Variants in DPP10 observed in about 807,000 individuals in gnomAD.
The protein encoded by DPP10 is dipeptidyl peptidase like 10.
Under a neutral mutation model 120.9 loss-of-function variants are expected in DPP10, and 33 were observed. That is an observed-to-expected ratio of 0.27 (90% CI 0.21 to 0.37). The LOEUF is 0.37. DPP10 is among the 10% of genes least tolerant of loss of function. The pLI is 1.00. For synonymous variants in DPP10, 337 were observed against 326.1 expected (o/e 1.03, Z -0.36); for missense variants, 816 against 942.8 (o/e 0.87, Z 1.76).
intron 12 of DPP10, among the ~76,000 whole-genome samples, chr2:115,767,584 G>A (rs566592825): frequency 9.1e-4 from 137 of 150,954 alleles, no homozygotes; most frequent in Non-Finnish European, 3.1e-4. Context: ...GTGTGTGTGT[G>A]TATATATATA....
intron 17 of DPP10, among the ~76,000 whole-genome samples, chr2:115,790,714 G>A (rs1401560185): frequency 6.6e-6 from 1 of 152,054 alleles, no homozygotes. Flanking sequence ...TACAATCCAG[G>A]TGTCCTCATC....
chr2:114,548,833 C>T (rs932762473), intron 1 of DPP10, among the ~76,000 whole-genome samples: 2 of 152,030 alleles, frequency 1.3e-5, no homozygotes, highest in Non-Finnish European at 1.5e-5. Flanking sequence ...AAATTGAACT[C>T]GTTTCTCCTG....
Position 114,459,182 on chromosome 2 carries a change from C to T in DPP10, c.60+16344C>T, listed in dbSNP as rs750441026. Among the ~76,000 whole-genome samples the T allele has an allele frequency of 2.7e-4, 41 of 152,260 alleles. 1 individual carries two copies. Among genetic ancestry groups the T allele is most frequent in the Non-Finnish European group, 5.1e-4 (35 of 68,018 alleles). On this transcript the variant is annotated intron_variant, in intron 1 of 25. Transcript: ENST00000410059. Reference sequence around the variant, plus strand: ...AAGATATTGGGTTTGTCATGGTTGCCGTTCCCTATATCATGCTGTTCTTAC... The same window carrying T: ...AAGATATTGGGTTTGTCATGGTTGCTGTTCCCTATATCATGCTGTTCTTAC...
intron 11 of DPP10, among the ~76,000 whole-genome samples, chr2:115,754,279 A>AAGG (rs1393912117): frequency 2.0e-5 from 3 of 152,108 alleles, no homozygotes; most frequent in Non-Finnish European, 4.4e-5. Context: ...CTTTATAGAA[A>AAGG]AGGACTCCAG....
intron 1 of DPP10, among the ~76,000 whole-genome samples, chr2:115,017,918 G>T (rs1396602312): frequency 6.6e-6 from 1 of 151,676 alleles, no homozygotes; most frequent in South Asian, 2.1e-4. Context: ...CGAGTTAATA[G>T]GTGCAGCACA....
intron 1 of DPP10, among the ~76,000 whole-genome samples, chr2:114,583,101 T>A (rs540356124): frequency 3.0e-4 from 45 of 152,362 alleles, no homozygotes; most frequent in African/African-American, 1.0e-3. Context: ...TGTTAGGCTC[T>A]CTTCTTTCTC....
intron 19 of DPP10, among the ~76,000 whole-genome samples, chr2:115,791,915 G>C (rs1196574527): frequency 6.6e-6 from 1 of 152,070 alleles, no homozygotes; most frequent in Admixed American, 6.5e-5. Context: ...TAACTAACTT[G>C]ATATTGATTT....
chr2:114,663,185 G>A (rs890169750), intron 1 of DPP10, among the ~76,000 whole-genome samples: 1 of 151,298 alleles, frequency 6.6e-6, no homozygotes, highest in African/African-American at 2.4e-5. Context: ...GCTATATCGT[G>A]TTTCCTGCGT....
At chr2:115,206,871 T>C (rs2056169676) in intron 1 of DPP10, among the ~76,000 whole-genome samples, 1 of 152,258 alleles carries the variant, frequency 6.6e-6, no homozygotes, top group African/African-American at 2.4e-5. Flanking sequence ...AAGTATGATG[T>C]AACTTCAGCC....
intron 2 of DPP10, among the ~76,000 whole-genome samples, chr2:115,326,253 C>A (rs2062357975): frequency 6.6e-6 from 1 of 151,944 alleles, no homozygotes; most frequent in Non-Finnish European, 1.5e-5. Context: ...GATTGTAATT[C>A]AGCTGTAAAG....
At chr2:114,598,518 T>G (rs1487073519) in intron 1 of DPP10, among the ~76,000 whole-genome samples, 1 of 151,784 alleles carries the variant, frequency 6.6e-6, no homozygotes, top group Non-Finnish European at 1.5e-5. Flanking sequence ...TGCCAACACT[T>G]AATAACTGAA....
chr2:114,466,627 T>A (rs1358245844), intron 1 of DPP10, among the ~76,000 whole-genome samples: 1 of 152,190 alleles, frequency 6.6e-6, no homozygotes, highest in African/African-American at 2.4e-5. Flanking sequence ...TTAGAAGGGT[T>A]AAATGAATTA....
At chr2:115,741,431 T>A (rs1449297242) in intron 9 of DPP10, among the ~76,000 whole-genome samples, 1 of 152,036 alleles carries the variant, frequency 6.6e-6, no homozygotes, top group Non-Finnish European at 1.5e-5. Flanking sequence ...TTTAGCTTTT[T>A]TTTTTTTTGG....
chr2:114,669,001 G>A (rs751072857), intron 1 of DPP10, among the ~76,000 whole-genome samples: 8 of 152,060 alleles, frequency 5.3e-5, no homozygotes, highest in Non-Finnish European at 1.2e-4. Flanking sequence ...TCCAGGACGA[G>A]GGCCATTTCT....
At chr2:115,183,789 CA>C (rs983964992) in intron 1 of DPP10, among the ~76,000 whole-genome samples, 1 of 151,962 alleles carries the variant, frequency 6.6e-6, no homozygotes, top group Non-Finnish European at 1.5e-5. Flanking sequence ...TGAGTTGATG[CA>C]CAGTAGAAGG....
rs539009104 is a variant in DPP10 at position 115,439,738 on chromosome 2, A to G, written c.272-59772A>G. 2.0e-5 allele frequency among the ~76,000 whole-genome samples: 3 copies of G among 152,318 alleles called. No individual in the cohort carries two copies. In the East Asian group the frequency reaches 5.8e-4, roughly 29 times the overall value. ...ATCCTTAAAGAAAATCGAAATTACC[A>G]CACATGTATTTATTCAGATAGCTGT... On this transcript the variant is annotated intron_variant, in intron 3 of 25. Transcript: ENST00000410059.
intron 1 of DPP10, among the ~76,000 whole-genome samples, chr2:114,782,435 AAG>A (rs1199366649): frequency 4.6e-5 from 7 of 152,068 alleles, no homozygotes; most frequent in African/African-American, 1.7e-4. Context: ...CAGAGTGAGA[AAG>A]AGAAAATTCC....
At chr2:114,447,056 A>G (rs1454064174) in intron 1 of DPP10, among the ~76,000 whole-genome samples, 2 of 124,398 alleles carry the variant, frequency 1.6e-5, no homozygotes, top group Non-Finnish European at 3.2e-5. Context: ...TTTTTTTGAG[A>G]CGGAGTCTCA....
intron 1 of DPP10, among the ~76,000 whole-genome samples, chr2:114,477,401 A>G (rs1414856849): frequency 6.6e-6 from 1 of 152,094 alleles, no homozygotes; most frequent in East Asian, 1.9e-4. Flanking sequence ...CTACATATAT[A>G]TTTATACACA....
Sources: gnomAD v4.1 joint callset for allele counts (sites outside exome capture counted in the v4.1 genomes callset) on GRCh38, gnomAD v4.1.1 for gene constraint, MANE v1.5 for transcripts, NCBI Gene and HGNC (gene_info 2026-07-23, HGNC 2026-07-21) for gene names.